Variants in PTER observed in about 807,000 individuals in gnomAD.
PTER encodes N-acetyltaurine hydrolase.
Under a neutral mutation model 29.6 loss-of-function variants are expected in PTER, and 38 were observed. The observed-to-expected ratio is 1.28, with a 90% CI of 0.99 to 1.68. The LOEUF is 1.68. Ranked by LOEUF, PTER falls within the 40% of genes most tolerant of loss-of-function variation. The pLI, the probability that PTER is intolerant of heterozygous loss-of-function variation, is 0.00. For synonymous variants in PTER, 172 were observed against 154.5 expected, an observed-to-expected ratio of 1.11 and a Z score of -0.84; for missense variants, 482 against 427.8, an observed-to-expected ratio of 1.13 and a Z score of -1.12.
chr10:16,457,520 T>C (rs558409915), intron 1 of PTER, among the ~76,000 whole-genome samples: 2 of 152,028 alleles, frequency 1.3e-5, no homozygotes, highest in Non-Finnish European at 2.9e-5. Context: ...GCCCCTTTAG[T>C]TGATTATTAA....
chr10:16,486,408 G>T lies in PTER; in HGVS notation c.489G>T (p.Lys163Asn). Residue 163 changes from lysine (K) to asparagine (N), a missense_variant, in exon 3 of 5, where the codon AAG (lysine) becomes AAT (asparagine). By Grantham distance (94) the Lys-to-Asn change is moderately conservative. Coordinates refer to ENST00000535784, the MANE Select transcript of PTER (RefSeq NM_001261836.2). The stretch of plus-strand genomic sequence containing the variant: ...ATGGAGCTGATGGAACCAGTATCAA[G>T]TGTGGCATTATTGGAGAAATTGGTT... ...ILHGADGTSI[K>N]CGIIGEIGCS... 6.2e-7 allele frequency: 1 copy of T among 1,614,004 alleles called. No homozygotes were observed. Among genetic ancestry groups the T allele is most frequent in the Non-Finnish European group, 8.5e-7 (1 of 1,179,936 alleles).
intron 1 of PTER, among the ~76,000 whole-genome samples, chr10:16,451,276 G>C (rs1348798139): frequency 6.6e-6 from 1 of 152,060 alleles, no homozygotes; most frequent in Non-Finnish European, 1.5e-5. Flanking sequence ...AATGAAGGTG[G>C]GTCTGCCACT....
chr10:16,509,751 A>G (rs1588635933), intron 4 of PTER, among the ~76,000 whole-genome samples: 1 of 152,224 alleles, frequency 6.6e-6, no homozygotes, highest in Admixed American at 6.5e-5. Flanking sequence ...TACAAATTTC[A>G]ATGAGGCAAA....
chr10:16,450,590 G>A (rs1469608529), intron 1 of PTER, among the ~76,000 whole-genome samples: 1 of 152,090 alleles, frequency 6.6e-6, no homozygotes, highest in Admixed American at 6.5e-5. Context: ...ACCTTTCATT[G>A]CAGATCAGCC....
chr10:16,452,585 G>A (rs1258457775), intron 1 of PTER, among the ~76,000 whole-genome samples: 3 of 151,906 alleles, frequency 2.0e-5, no homozygotes, highest in Non-Finnish European at 2.9e-5. Context: ...TTACAGGCAT[G>A]AACTACTGCG....
At chr10:16,506,190 A>C (rs914169219) in intron 4 of PTER, among the ~76,000 whole-genome samples, 2 of 152,172 alleles carry the variant, frequency 1.3e-5, no homozygotes, top group Admixed American at 6.5e-5. Flanking sequence ...TTATAAACAG[A>C]GTGCAATCTC....
In PTER at chr10:16,486,469, C is replaced by T. The variant is rs200660683; in HGVS notation, c.550C>T (p.Leu184Phe). The part of the protein sequence containing the change: ...WPLTESERKV[L>F]QATAHAQAQL... ...TTTGACTGAGAGTGAAAGAAAGGTT[C>T]TCCAGGCCACAGCTCATGCCCAGGC... The change falls in exon 3 of 5, where the codon CTC becomes TTC. Residue 184 changes from leucine to phenylalanine, a missense_variant. By Grantham distance (22) the Leu-to-Phe change is conservative. Coordinates refer to ENST00000535784, the MANE Select transcript of PTER (RefSeq NM_001261836.2). 62 of 1,613,926 alleles carry T rather than the reference C, an allele frequency of 3.8e-5. No individual in the cohort carries two copies. The highest frequency in any genetic ancestry group is 5.1e-5 in the Non-Finnish European group (60 of 1,179,990).
At chr10:16,440,748 G>T (rs1434189231) in intron 1 of PTER, among the ~76,000 whole-genome samples, 1 of 152,234 alleles carries the variant, frequency 6.6e-6, no homozygotes, top group Non-Finnish European at 1.5e-5. Context: ...GGTCATAGAG[G>T]ACAGTGAGCG....
In PTER at chr10:16,511,254, T is replaced by C. The variant is rs1377090770; in HGVS notation, c.1048T>C (p.Ter350GlnextTer5). The change falls in exon 5 of 5, where the codon TAG (stop) becomes CAG (glutamine). Residue 350 changes from the stop codon to glutamine, a stop_lost. Transcript: ENST00000535784. ...ENPKQWLTFK[*>Q] ...CCCTAAGCAATGGCTAACTTTCAAA[T>C]AGGATGGTTGCTTATGAATTCACAC... The C allele has an allele frequency of 3.7e-6, 6 of 1,612,450 alleles. No homozygotes were observed. The highest frequency in any genetic ancestry group is 5.1e-6 in the Non-Finnish European group (6 of 1,178,692).
chr10:16,505,287 ATATATC>A (rs1836520047), intron 4 of PTER, 127 bp downstream of exon 4: 1 of 1,201,788 alleles, frequency 8.3e-7, no homozygotes, highest in Admixed American at 2.3e-5. Flanking sequence ...GCAGAGAAAA[ATATATC>A]TATGCTGTTT....
At chr10:16,503,789 C>T (rs1044155734) in intron 3 of PTER, among the ~76,000 whole-genome samples, 1 of 152,196 alleles carries the variant, frequency 6.6e-6, no homozygotes, top group African/African-American at 2.4e-5. Context: ...ATTCACCCAC[C>T]TCGGCCTCAC....
intron 1 of PTER, among the ~76,000 whole-genome samples, chr10:16,444,282 C>T (rs551063125): frequency 1.3e-3 from 193 of 152,170 alleles, no homozygotes; most frequent in Non-Finnish European, 2.1e-3. Context: ...CATGAACCAC[C>T]GCACCCGGCC....
chr10:16,502,288 G>A (rs1051426191), intron 3 of PTER, among the ~76,000 whole-genome samples: 34 of 152,026 alleles, frequency 2.2e-4, no homozygotes, highest in Middle Eastern at 3.4e-3. Context: ...ACCTCTTCCC[G>A]CTTACATTAC....
intron 1 of PTER, among the ~76,000 whole-genome samples, chr10:16,476,920 T>G (rs1233293447): frequency 6.7e-6 from 1 of 149,432 alleles, no homozygotes; most frequent in Non-Finnish European, 1.5e-5. Flanking sequence ...TTTTTTTTTT[T>G]TTTGAGACAG....
chr10:16,514,195 A>G (rs1836911742), downstream of PTER: 3 of 399,920 alleles, frequency 7.5e-6, no homozygotes, highest in Admixed American at 9.1e-5. Context: ...ATCACAGTAC[A>G]CCAAAGTATC....
chr10:16,462,960 G>A (rs1038715806), intron 1 of PTER, among the ~76,000 whole-genome samples: 3 of 151,566 alleles, frequency 2.0e-5, no homozygotes, highest in Non-Finnish European at 2.9e-5. Flanking sequence ...TTGGGAGGCC[G>A]AGGAGTGCAA....
chr10:16,469,131 G>C (rs1834953535), intron 1 of PTER, among the ~76,000 whole-genome samples: 1 of 152,164 alleles, frequency 6.6e-6, no homozygotes, highest in Non-Finnish European at 1.5e-5. Flanking sequence ...GAGTGCTGAA[G>C]GCCGAGTAGA....
chr10:16,494,289 C>A (rs1836011676), intron 3 of PTER, among the ~76,000 whole-genome samples: 1 of 152,106 alleles, frequency 6.6e-6, no homozygotes, highest in Admixed American at 6.5e-5. Context: ...CTAATTTAAA[C>A]AAGGGTTTTT....
intron 1 of PTER, among the ~76,000 whole-genome samples, chr10:16,463,326 A>C (rs1021011159): frequency 6.6e-6 from 1 of 152,158 alleles, no homozygotes; most frequent in Admixed American, 6.5e-5. Flanking sequence ...AGAGATTATC[A>C]TGATAAATGT....
Sources: gnomAD v4.1 joint callset for allele counts (sites outside exome capture counted in the v4.1 genomes callset) on GRCh38, gnomAD v4.1.1 for gene constraint, MANE v1.5 for transcripts, NCBI Gene and HGNC (gene_info 2026-07-23, HGNC 2026-07-21) for gene names.